Variants in BGN observed in about 807,000 individuals in gnomAD.
BGN encodes the protein biglycan, also known as bone/cartilage proteoglycan-I.
In BGN, 6 loss-of-function variants were observed where a neutral mutation model predicts 20.0. That is an observed-to-expected ratio of 0.30 (90% CI 0.16 to 0.59). The LOEUF (loss-of-function observed/expected upper bound fraction) is 0.59, where lower values mean the gene tolerates loss of function less well. BGN is among the 20% of genes least tolerant of loss of function. BGN has a pLI of 0.88. For synonymous variants in BGN, 146 were observed against 134.6 expected (o/e 1.08, Z -0.59); for missense variants, 292 against 312.1 (o/e 0.94, Z 0.49).
intron 1 of BGN, among the ~76,000 whole-genome samples, chrX:153,497,579 G>A (rs782117423): frequency 2.7e-5 from 3 of 112,317 alleles, no homozygotes; most frequent in Admixed American, 9.3e-5. Context: ...GAGGGGCTGC[G>A]CTGTGGGGAG....
In BGN at chrX:153,507,160, G is replaced by C. The variant is rs781916886; in HGVS notation, c.884G>C (p.Gly295Ala). Residue 295 changes from glycine (G) to alanine (A), a missense_variant, in exon 7 of 8, where the codon GGG becomes GCG. Transcript: ENST00000331595. ...AACAAGTTGGCCAGGGTGCCCTCAGGGCTCCCAGACCTCAAGCTCCTCCAG... is the reference window on the plus strand; with the variant it reads ...AACAAGTTGGCCAGGGTGCCCTCAGCGCTCCCAGACCTCAAGCTCCTCCAG... ...DNNKLARVPS[G>A]LPDLKLLQVV... The C allele has an allele frequency of 8.3e-7, 1 of 1,203,448 alleles. No homozygotes were observed.
chrX:153,507,337 A>T (rs2089809605), intron 7 of BGN, 152 bp downstream of exon 7: 1 of 821,555 alleles, frequency 1.2e-6, no homozygotes, highest in African/African-American at 2.1e-5. Context: ...GCTGGTGCTG[A>T]GGAGGCAGGG....
chrX:153,504,483 C>T, intron 1 of BGN, 138 bp from the exon 2 acceptor site: 1 of 524,354 alleles, frequency 1.9e-6, no homozygotes, highest in Non-Finnish European at 3.1e-6. Context: ...TCCGCCCTCT[C>T]CGCCTCCCGC....
Position 153,507,149 on chromosome X carries a change from G to A in BGN, c.873G>A (p.Arg291=), listed in dbSNP as rs1556993401. The A allele has an allele frequency of 8.3e-7, 1 of 1,206,120 alleles. No individual in the cohort carries two copies. Among genetic ancestry groups the A allele is most frequent in the Non-Finnish European group, 1.1e-6 (1 of 892,712 alleles). The change falls in exon 7 of 8, where the codon AGG becomes AGA. Residue 291 remains arginine (R), a synonymous_variant. Transcript: ENST00000331595. ...ACTTGGACAACAACAAGTTGGCCAG[G>A]GTGCCCTCAGGGCTCCCAGACCTCA... ...ELHLDNNKLA[R]VPSGLPDLKL...
chrX:153,502,917 A>G lies in BGN; in HGVS notation c.-11-1704A>G, dbSNP rs782428526. ...GCCGCTATAGCCACAGCCTCACCACAGGCCCCTCTGTCCACAGGTGTGGGA... is the reference window on the plus strand; with the variant it reads ...GCCGCTATAGCCACAGCCTCACCACGGGCCCCTCTGTCCACAGGTGTGGGA... On this transcript the variant is annotated intron_variant, in intron 1 of 7. Transcript: ENST00000331595. 3.6e-5 allele frequency among the ~76,000 whole-genome samples: 4 copies of G among 112,198 alleles called. No homozygotes were observed. In the East Asian group the frequency reaches 1.1e-3, roughly 32 times the overall value.
rs1410867157 is a variant in BGN, at chrX:153,507,176, G to A, written c.900G>A (p.Lys300=). 2 of 1,198,865 alleles carry A rather than the reference G, an allele frequency of 1.7e-6. No individual in the cohort carries two copies. Among genetic ancestry groups the A allele is most frequent in the Non-Finnish European group, 2.2e-6 (2 of 889,050 alleles). Residue 300 remains lysine, a synonymous_variant, in exon 7 of 8, where the codon AAG becomes AAA. Coordinates refer to ENST00000331595, the MANE Select transcript of BGN (RefSeq NM_001711.6). The part of the protein sequence containing the change: ...ARVPSGLPDL[K]LLQVVYLHSN... The stretch of plus-strand genomic sequence containing the variant: ...TGCCCTCAGGGCTCCCAGACCTCAA[G>A]CTCCTCCAGGTGAGAGCTGGGCATG...
In BGN at chrX:153,504,843, T is replaced by TG. The variant is rs782795872; in HGVS notation, c.213dup (p.Arg72AlafsTer20). 1 of 1,208,391 alleles carries TG rather than the reference T, an allele frequency of 8.3e-7. No individual in the cohort carries two copies. The highest frequency in any genetic ancestry group is 1.1e-6 in the Non-Finnish European group (1 of 894,723). ...TGTCCTTTCGGCTGCCACTGCCACC[T>TG]GCGGGTGGTTCAGTGCTCCGACCTG... On this transcript the variant is annotated frameshift_variant, in exon 2 of 8. Coordinates refer to ENST00000331595, the MANE Select transcript of BGN (RefSeq NM_001711.6). LOFTEE classifies it high-confidence loss of function.
In BGN at chrX:153,504,584, G is replaced by A. The variant is rs575003307; in HGVS notation, c.-11-37G>A. 23 of 1,071,871 alleles carry A rather than the reference G, an allele frequency of 2.1e-5. No homozygotes were observed. The South Asian group carries it at 3.2e-4, about 15-fold the overall frequency. 88.3% of individuals were successfully genotyped at this position (1,071,871 alleles called of 1,213,427 possible). A position where few individuals can be genotyped will look rare whatever the true frequency, so the allele number is the denominator to read the frequency against. ...CCCCTGGCATGGAGAAGACAGGTGG[G>A]TGCTGGTGCTGATGATCCCCTCGCC... On this transcript the variant is annotated intron_variant, in intron 1 of 7. Transcript: ENST00000331595.
At chrX:153,500,170 C>A (rs1556991502) in intron 1 of BGN, among the ~76,000 whole-genome samples, 1 of 113,022 alleles carries the variant, frequency 8.8e-6, no homozygotes, top group Non-Finnish European at 1.9e-5. Flanking sequence ...TTGGCTGTGA[C>A]CTCGAGCAAT....
chrX:153,506,479 G>A (rs2124237794), intron 4 of BGN, 50 bp from the exon 5 acceptor site: 1 of 1,108,092 alleles, frequency 9.0e-7, no homozygotes, highest in Non-Finnish European at 1.2e-6. Flanking sequence ...CAGGACCCAG[G>A]GCTGTGCAGG....
Position 153,506,589 on chromosome X carries a change from A to G in BGN, c.626A>G (p.Lys209Arg). 8.3e-7 allele frequency: 1 copy of G among 1,211,403 alleles called. No homozygotes were observed. Among genetic ancestry groups the G allele is most frequent in the East Asian group, 3.0e-5 (1 of 33,799 alleles). ...GFEPGAFDGL[K>R]LNYLRISEAK... Reference sequence around the variant, plus strand: ...GAACCTGGAGCCTTCGATGGCCTGAAGCTCAACTACCTGCGCATCTCAGAG... The same window carrying G: ...GAACCTGGAGCCTTCGATGGCCTGAGGCTCAACTACCTGCGCATCTCAGAG... Residue 209 changes from lysine to arginine, a missense_variant, in exon 5 of 8, where the codon AAG (lysine) becomes AGG (arginine). Lys to Arg is a conservative substitution (Grantham distance 26). Transcript: ENST00000331595.
chrX:153,498,224 G>A (rs939836611), intron 1 of BGN, among the ~76,000 whole-genome samples: 2 of 112,972 alleles, frequency 1.8e-5, no homozygotes, highest in Non-Finnish European at 3.7e-5. Flanking sequence ...AGGACCAGGG[G>A]CCCAACGGAC....
rs1556993715 is a variant in BGN at position 153,508,281 on chromosome X, G to C, written c.943G>C (p.Val315Leu). 1.6e-6 allele frequency: 2 copies of C among 1,212,210 alleles called. No individual in the cohort carries two copies. The highest frequency in any genetic ancestry group is 3.5e-5 in the South Asian group (2 of 57,046). Residue 315 changes from valine to leucine, a missense_variant, in exon 8 of 8, where the codon GTG becomes CTG. Physicochemically the swap from Val to Leu is conservative, Grantham distance 32. Coordinates refer to ENST00000331595, the MANE Select transcript of BGN (RefSeq NM_001711.6). ...TCTGCACTCCAACAACATCACCAAA[G>C]TGGGTGTCAACGACTTCTGTCCCAT... ...VYLHSNNITKVGVNDFCPMGF... is the reference protein window; with the variant it reads ...VYLHSNNITKLGVNDFCPMGF...
At chrX:153,499,729 T>G (rs2089743443) in intron 1 of BGN, among the ~76,000 whole-genome samples, 1 of 112,936 alleles carries the variant, frequency 8.9e-6, no homozygotes, top group South Asian at 3.6e-4. Flanking sequence ...CCTCTCTGGT[T>G]GATGCCCAAG....
At chrX:153,500,130 A>G (rs781824588) in intron 1 of BGN, among the ~76,000 whole-genome samples, 1 of 112,818 alleles carries the variant, frequency 8.9e-6, no homozygotes, top group East Asian at 2.8e-4. Flanking sequence ...CGGACCCTCC[A>G]TGTTCTCAGA....
chrX:153,506,763 C>G (rs2065930793), intron 5 of BGN, 67 bp from the exon 6 acceptor site: 1 of 1,164,390 alleles, frequency 8.6e-7, no homozygotes, highest in Non-Finnish European at 1.2e-6. Context: ...CTCCCGCCAC[C>G]TGGGGCAGAG....
At chrX:153,500,158 G>C (rs1428149292) in intron 1 of BGN, among the ~76,000 whole-genome samples, 11 of 113,053 alleles carry the variant, frequency 9.7e-5, no homozygotes, top group Non-Finnish European at 1.7e-4. Flanking sequence ...AACGCATCTT[G>C]TTTGGCTGTG....
intron 1 of BGN, among the ~76,000 whole-genome samples, chrX:153,496,615 C>G (rs900058227): frequency 1.8e-5 from 2 of 112,557 alleles, no homozygotes; most frequent in Non-Finnish European, 3.8e-5. Flanking sequence ...GGTGGCAGCC[C>G]TGGCCTCCCT....
At position 153,508,919 on chromosome X, in the gene BGN, C is replaced by A; in HGVS notation, c.*474C>A. 7.0e-6 allele frequency: 1 copy of A among 143,452 alleles called. No individual in the cohort carries two copies. Among genetic ancestry groups the A allele is most frequent in the Non-Finnish European group, 1.4e-5 (1 of 73,474 alleles). The allele number at this position is 143,452 out of a possible 1,213,427, so 11.8% of individuals were successfully genotyped here. On this transcript the variant is annotated 3_prime_UTR_variant, in exon 8 of 8. Transcript: ENST00000331595. ...TCCAGCCTTTCAACCCTCCCCGACT[C>A]TGCGGCTCCCCTCAGCCCCCTTGCA...
Sources: gnomAD v4.1 joint callset for allele counts (sites outside exome capture counted in the v4.1 genomes callset) on GRCh38, gnomAD v4.1.1 for gene constraint, MANE v1.5 for transcripts, NCBI Gene and HGNC (gene_info 2026-07-23, HGNC 2026-07-21) for gene names.